The following MRTFB variants were observed in gnomAD, a reference collection of about 807,000 sequenced individuals.
MRTFB encodes the protein myocardin related transcription factor B.
Under a neutral mutation model 104.2 loss-of-function variants are expected in MRTFB, and 29 were observed. The observed-to-expected ratio is 0.28, with a 90% confidence interval of 0.21 to 0.38. The LOEUF is 0.38. Among genes scored for constraint, MRTFB ranks in the 10% least tolerant of loss-of-function variants. The pLI, the probability that MRTFB is intolerant of heterozygous loss-of-function variation, is 1.00. For synonymous variants in MRTFB, 535 were observed against 519.5 expected, an observed-to-expected ratio of 1.03 and a Z score of -0.41; for missense variants, 1,270 against 1,341.6, an observed-to-expected ratio of 0.95 and a Z score of 0.83.
At chr16:14,047,394 G>T in the MRTFB span, among the ~76,000 whole-genome samples, 3 of 152,186 alleles carry the variant, frequency 2.0e-5, no homozygotes, top group African/African-American at 7.2e-5. Flanking sequence ...CCTGTAACAG[G>T]CAGTGATAGC....
chr16:14,170,288 T>C (rs1484249153), intron 3 of MRTFB: 1 of 152,230 alleles, frequency 6.6e-6, no homozygotes, highest in Non-Finnish European at 1.5e-5. Flanking sequence ...AAGACTCCTC[T>C]ACAAAAAATG....
chr16:14,121,673 A>G (rs1403242540), intron 2 of MRTFB, among the ~76,000 whole-genome samples: 2 of 152,192 alleles, frequency 1.3e-5, no homozygotes, highest in Non-Finnish European at 2.9e-5. Context: ...CAAATTGGAA[A>G]TGTCTTTATT....
the MRTFB span, among the ~76,000 whole-genome samples, chr16:14,059,208 A>G: frequency 6.6e-6 from 1 of 152,092 alleles, no homozygotes; most frequent in Non-Finnish European, 1.5e-5. Context: ...TCAAACATTT[A>G]TCATTTCTTT....
At chr16:14,020,159 C>A in the MRTFB span, among the ~76,000 whole-genome samples, 3 of 152,042 alleles carry the variant, frequency 2.0e-5, no homozygotes, top group African/African-American at 4.8e-5. Context: ...CATGACCTTG[C>A]CTTTGCTTGT....
Position 14,245,518 on chromosome 16 carries a change from T to G in MRTFB, c.1080-10T>G. ...TTATTATAAACTCTAATTTTTGTTTTCTTTTGAAGGCCACTCAATGACAAA... is the reference window on the plus strand; with the variant it reads ...TTATTATAAACTCTAATTTTTGTTTGCTTTTGAAGGCCACTCAATGACAAA... On this transcript the variant is annotated splice_polypyrimidine_tract_variant and intron_variant, in intron 10 of 16. Transcript: ENST00000571589. 1 of 1,594,230 alleles carries G rather than the reference T, an allele frequency of 6.3e-7. No homozygotes were observed. The highest frequency in any genetic ancestry group is 8.5e-7 in the Non-Finnish European group (1 of 1,174,924).
At chr16:14,057,705 A>C in the MRTFB span, among the ~76,000 whole-genome samples, 4 of 152,130 alleles carry the variant, frequency 2.6e-5, no homozygotes, top group South Asian at 8.4e-4. Flanking sequence ...GTTCACTATG[A>C]AACCCCGAGG....
At chr16:14,048,544 A>G in the MRTFB span, among the ~76,000 whole-genome samples, 1 of 152,130 alleles carries the variant, frequency 6.6e-6, no homozygotes, top group Non-Finnish European at 1.5e-5. Flanking sequence ...GCAAATCCAG[A>G]CCACAGAGGA....
intron 2 of MRTFB, among the ~76,000 whole-genome samples, chr16:14,079,778 A>T (rs542089702): frequency 3.3e-5 from 5 of 152,246 alleles, no homozygotes; most frequent in African/African-American, 1.2e-4. Context: ...TAATGAAAAA[A>T]ATTTCTATCC....
At chr16:14,023,825 C>A in the MRTFB span, among the ~76,000 whole-genome samples, 1 of 152,036 alleles carries the variant, frequency 6.6e-6, no homozygotes, top group African/African-American at 2.4e-5. Context: ...CTGAGGCTGG[C>A]AGATAACCTG....
chr16:14,258,272 C>G, intron 16 of MRTFB, 111 bp downstream of exon 16: 1 of 807,964 alleles, frequency 1.2e-6, no homozygotes, highest in Admixed American at 2.5e-5. Flanking sequence ...GAAACGTGTT[C>G]TTCTAACTGA....
chr16:14,249,456 A>G (rs775440741), intron 13 of MRTFB, among the ~76,000 whole-genome samples: 4 of 152,248 alleles, frequency 2.6e-5, no homozygotes, highest in Non-Finnish European at 5.9e-5. Context: ...GTATTTGAAG[A>G]TGAAAAAGAT....
chr16:14,177,903 G>GGTGTGTGTGTGTGT lies in MRTFB; in HGVS notation c.155-32320_155-32307dup, dbSNP rs142062484. Among the ~76,000 whole-genome samples, 10 of 146,074 alleles carry GGTGTGTGTGTGTGT rather than the reference G, an allele frequency of 6.8e-5. No individual in the cohort carries two copies. The East Asian group carries it at 8.0e-4, about 12-fold the overall frequency. On this transcript the variant is annotated intron_variant, in intron 3 of 16. Transcript: ENST00000571589. This position sits in a 1 kb window ranked among gnomAD's most constrained non-coding sequence, Gnocchi z 4.7. ...CGAGAAGTACATGAACCAGAGGTAGGGTGTGTGTGTGTGTGTGTGTGTGTG... is the reference window on the plus strand; with the variant it reads ...CGAGAAGTACATGAACCAGAGGTAGGGTGTGTGTGTGTGTGTGTGTGTGTGTGTGTGTGTGTGTG...
intron 2 of MRTFB, among the ~76,000 whole-genome samples, chr16:14,129,951 C>G (rs2037354727): frequency 6.6e-6 from 1 of 152,190 alleles, no homozygotes; most frequent in Non-Finnish European, 1.5e-5. Flanking sequence ...GCCTCAGCCT[C>G]CTGAGTAGCT....
intron 12 of MRTFB, 69 bp downstream of exon 12, chr16:14,247,576 C>A: frequency 1.4e-6 from 2 of 1,400,226 alleles, no homozygotes; most frequent in Non-Finnish European, 1.9e-6. Context: ...CTAAGGAAGG[C>A]ACCATACCTG....
chr16:14,126,097 C>T (rs2037095685), intron 2 of MRTFB, among the ~76,000 whole-genome samples: 1 of 152,066 alleles, frequency 6.6e-6, no homozygotes, highest in South Asian at 2.1e-4. Context: ...GAAAATAAAG[C>T]CTTAGGAAAT....
Position 14,218,805 on chromosome 16 carries a change from C to A in MRTFB, c.515-15C>A, listed in dbSNP as rs367798067. 7 of 1,572,506 alleles carry A rather than the reference C, an allele frequency of 4.5e-6. No homozygotes were observed. The African/African-American group carries it at 6.8e-5, about 15-fold the overall frequency. Reference sequence around the variant, plus strand: ...AGCCAACATAAGTCAAGTCAAAAATCATTTCTTTCTTTAGGCGTTGGGAAG... The same window carrying A: ...AGCCAACATAAGTCAAGTCAAAAATAATTTCTTTCTTTAGGCGTTGGGAAG... On this transcript the variant is annotated splice_polypyrimidine_tract_variant and intron_variant, in intron 7 of 16. Transcript: ENST00000571589.
intron 2 of MRTFB, among the ~76,000 whole-genome samples, chr16:14,120,218 G>A (rs2142277700): frequency 6.6e-6 from 1 of 152,142 alleles, no homozygotes. Context: ...GTTTTCCATA[G>A]TTCACATATG....
intron 2 of MRTFB, among the ~76,000 whole-genome samples, chr16:14,118,017 G>A (rs2036630718): frequency 6.6e-6 from 1 of 151,766 alleles, no homozygotes; most frequent in Non-Finnish European, 1.5e-5. Context: ...CATTTTGCTA[G>A]CTTTGATTTA....
At chr16:14,023,409 C>T in the MRTFB span, among the ~76,000 whole-genome samples, 1 of 152,192 alleles carries the variant, frequency 6.6e-6, no homozygotes, top group East Asian at 1.9e-4. Flanking sequence ...TGTGCCACTG[C>T]ACTCCAGGCT....
Sources: gnomAD v4.1 joint callset for allele counts (sites outside exome capture counted in the v4.1 genomes callset) on GRCh38, gnomAD v4.1.1 for gene constraint, Gnocchi (gnomAD v3.1) non-coding constraint, MANE v1.5 for transcripts, NCBI Gene and HGNC (gene_info 2026-07-23, HGNC 2026-07-21) for gene names.